Variants in RPL3 observed in about 807,000 individuals in gnomAD.
The protein encoded by RPL3 is ribosomal protein L3.
Under a neutral mutation model 46.0 loss-of-function variants are expected in RPL3, and 3 were observed. The observed-to-expected ratio is 0.07, with a 90% CI of 0.03 to 0.17. The LOEUF is 0.17. Among genes scored for constraint, RPL3 ranks in the 10% least tolerant of loss-of-function variants. The pLI, the probability that RPL3 is intolerant of heterozygous loss-of-function variation, is 1.00. For missense variants in RPL3, 387 were observed against 532.7 expected (o/e 0.73, Z 2.69); for synonymous variants, 224 against 190.8 (o/e 1.17, Z -1.43).
intron 5 of RPL3, chr22:39,315,080 C>A (rs915675956): frequency 4.3e-6 from 3 of 702,558 alleles, no homozygotes; most frequent in Non-Finnish European, 7.3e-6. Flanking sequence ...CTCCCCCATT[C>A]ACAGGGACTG....
intron 4 of RPL3, 50 bp from the exon 5 acceptor site, chr22:39,315,605 C>T (rs1445897262): frequency 6.2e-7 from 1 of 1,603,832 alleles, no homozygotes; most frequent in Non-Finnish European, 8.5e-7. Context: ...GCTCCTCCCA[C>T]AGCAGAGGAA....
chr22:39,316,662 T>C (rs576576486), intron 4 of RPL3, 44 bp downstream of exon 4: 2 of 1,611,474 alleles, frequency 1.2e-6, no homozygotes, highest in African/African-American at 2.7e-5. Context: ...ATAGGTCACT[T>C]CTACTAAGTG....
At chr22:39,316,656 G>A (rs201784804) in intron 4 of RPL3, 50 bp downstream of exon 4, 61 of 1,610,710 alleles carry the variant, frequency 3.8e-5, no homozygotes, top group Non-Finnish European at 4.8e-5. Flanking sequence ...GATCACATAG[G>A]TCACTTCTAC....
At chr22:39,316,650 A>C (rs1922711629) in intron 4 of RPL3, 56 bp downstream of exon 4, 6 of 1,609,618 alleles carry the variant, frequency 3.7e-6, no homozygotes, top group Non-Finnish European at 5.1e-6. Flanking sequence ...CCCCATGATC[A>C]CATAGGTCAC....
At chr22:39,316,919 C>T (rs1922733882) in intron 3 of RPL3, 78 bp from the exon 4 acceptor site, 1 of 1,607,902 alleles carries the variant, frequency 6.2e-7, no homozygotes. Flanking sequence ...GCGGAAGGCA[C>T]ACTGGCACCG....
At chr22:39,319,486 C>T in intron 1 of RPL3, 109 bp downstream of exon 1, 5 of 1,458,434 alleles carry the variant, frequency 3.4e-6, no homozygotes, top group Non-Finnish European at 4.7e-6. Context: ...TCGCCCGTGC[C>T]CCTAAAGCAA....
chr22:39,317,673 A>C, intron 2 of RPL3, 44 bp from the exon 3 acceptor site: 1 of 1,605,018 alleles, frequency 6.2e-7, no homozygotes, highest in Non-Finnish European at 8.5e-7. Flanking sequence ...GAGCCCAAGC[A>C]AGGGGTGTAA....
At chr22:39,313,767 G>A (rs368768476) in intron 7 of RPL3, 38 bp from the exon 8 acceptor site, 2 of 1,596,564 alleles carry the variant, frequency 1.3e-6, no homozygotes, top group African/African-American at 1.4e-5. Context: ...GGCCCAGGAG[G>A]GGATTGTCGT....
At chr22:39,318,327 G>T in intron 2 of RPL3, 73 bp downstream of exon 2, 2 of 1,530,266 alleles carry the variant, frequency 1.3e-6, no homozygotes, top group Non-Finnish European at 1.8e-6. Flanking sequence ...TCTGCTAACA[G>T]CTTGACTCCA....
At position 39,316,856 on chromosome 22, in the gene RPL3, C is replaced by G. The variant is rs1922728206; in HGVS notation, c.366-15G>C. The G allele has an allele frequency of 2.5e-6, 4 of 1,613,564 alleles. No homozygotes were observed. The highest frequency in any genetic ancestry group is 2.2e-5 in the East Asian group (1 of 44,886). On this transcript the variant is annotated splice_polypyrimidine_tract_variant and intron_variant, in intron 3 of 9. Transcript: ENST00000216146. ...TAGATTTATGCCTTCAGGAGCAGAG[C>G]AGAGTTGGGGAGGGGACCAGGTGCA... is the stretch of plus-strand genomic sequence containing the variant.
At chr22:39,315,608 C>G in intron 4 of RPL3, 53 bp from the exon 5 acceptor site, 1 of 1,600,406 alleles carries the variant, frequency 6.2e-7, no homozygotes, top group Non-Finnish European at 8.5e-7. Context: ...CCTCCCACAG[C>G]AGAGGAACTG....
chr22:39,315,040 G>C, intron 5 of RPL3, 194 bp from the exon 6 acceptor site: 1 of 783,588 alleles, frequency 1.3e-6, no homozygotes, highest in South Asian at 1.7e-5. Context: ...ATTCTGAATG[G>C]GTGCTTTTTA....
intron 8 of RPL3, 34 bp downstream of exon 8, chr22:39,313,600 G>A (rs2076124): frequency 0.039 from 62,912 of 1,595,786 alleles, 2,624 homozygotes; most frequent in African/African-American, 0.21. Flanking sequence ...CCCTCTACAA[G>A]AGCCCCCCCA....
At position 39,313,705 on chromosome 22, in the gene RPL3, C is replaced by T. The variant is rs1256032033; in HGVS notation, c.976G>A (p.Val326Met). 6.2e-7 allele frequency: 1 copy of T among 1,614,154 alleles called. No individual in the cohort carries two copies. The highest frequency in any genetic ancestry group is 1.7e-5 in the Admixed American group (1 of 60,036). ...PLGGFVHYGEVTNDFVMLKGC... is the reference protein window; with the variant it reads ...PLGGFVHYGEMTNDFVMLKGC... The stretch of plus-strand genomic sequence containing the variant: ...TTCAGCATGACAAAGTCATTGGTCA[C>T]TTCACCATAGTGGACAAAGCCACCC... Residue 326 changes from valine (V) to methionine (M), a missense_variant, in exon 8 of 10, where the codon GTG becomes ATG. Val to Met is a conservative substitution (Grantham distance 21, BLOSUM62 1). This residue lies in a region of RPL3 where 131 missense variants were observed against 185.1 expected (regional missense o/e 0.71). Transcript: ENST00000216146.
At position 39,319,289 on chromosome 22, in the gene RPL3, A is replaced by G. The variant is rs949998827; in HGVS notation, c.3+306T>C. On this transcript the variant is annotated intron_variant, in intron 1 of 9. Transcript: ENST00000216146. ...AGGTTATGGGCCCTAATCCCAACTA[A>G]TGATAGAATTGGTGAGGTCGAAACT... The G allele has an allele frequency of 2.6e-5, 14 of 540,058 alleles. No homozygotes were observed. In the Admixed American group the frequency reaches 4.0e-4, roughly 15 times the overall value. 33.5% of individuals were successfully genotyped at this position (540,058 alleles called of 1,614,324 possible).
chr22:39,315,013 G>T, intron 5 of RPL3, 167 bp from the exon 6 acceptor site: 1 of 968,650 alleles, frequency 1.0e-6, no homozygotes, highest in Non-Finnish European at 1.5e-6. Context: ...GGCTCTGGGG[G>T]TGTCACCCTG....
chr22:39,318,886 T>C, intron 1 of RPL3: 1 of 451,178 alleles, frequency 2.2e-6, no homozygotes, highest in South Asian at 1.9e-5. Flanking sequence ...TAAAAACTGC[T>C]TAACAGGCAG....
chr22:39,319,097 T>C (rs200216649), intron 1 of RPL3: 2 of 538,020 alleles, frequency 3.7e-6, no homozygotes, highest in Non-Finnish European at 7.6e-6. Context: ...CGCCCGTCAA[T>C]AAGTTCATCA....
chr22:39,317,705 G>A (rs200037528), intron 2 of RPL3, 76 bp from the exon 3 acceptor site: 28 of 1,564,708 alleles, frequency 1.8e-5, no homozygotes, highest in Non-Finnish European at 2.4e-5. Context: ...AAAATGCAAA[G>A]TGCCCATTTA....
Sources: allele counts gnomAD v4.1 joint callset, GRCh38; gene constraint gnomAD v4.1.1; regional missense constraint gnomAD v4.1.1; transcripts MANE v1.5; gene names NCBI Gene and HGNC (gene_info 2026-07-23, HGNC 2026-07-21).